The following PIBF1 variants were observed in gnomAD, a reference collection of about 807,000 sequenced individuals.
The protein encoded by PIBF1 is progesterone immunomodulatory binding factor 1.
Under a neutral mutation model 112.5 loss-of-function variants are expected in PIBF1, and 90 were observed. The ratio of observed to expected loss-of-function variants is 0.80; its 90% CI spans 0.67 to 0.95. The LOEUF (loss-of-function observed/expected upper bound fraction) is 0.95. Among genes scored for constraint, PIBF1 ranks in the 40% least tolerant of loss-of-function variants. PIBF1 has a pLI of 0.00. For missense variants in PIBF1, 915 were observed against 852.3 expected (o/e 1.07, Z -0.92); for synonymous variants, 301 against 288.6 (o/e 1.04, Z -0.44).
intron 14 of PIBF1, among the ~76,000 whole-genome samples, chr13:72,960,354 T>A (rs2042572260): frequency 6.6e-6 from 1 of 152,194 alleles, no homozygotes; most frequent in South Asian, 2.1e-4. Flanking sequence ...GAGGCTGCAG[T>A]GAGCTGTGGC....
At chr13:73,013,992 CAGAA>C (rs1304232297) in intron 17 of PIBF1, among the ~76,000 whole-genome samples, 3 of 152,082 alleles carry the variant, frequency 2.0e-5, no homozygotes, top group African/African-American at 7.2e-5. Flanking sequence ...CTTTTCAAAA[CAGAA>C]AGCACTAGGC....
At position 72,921,828 on chromosome 13, in the gene PIBF1, G is replaced by GT. The variant is rs748502305; in HGVS notation, c.1730+4663dup. 8.6e-3 allele frequency among the ~76,000 whole-genome samples: 1,314 copies of GT among 152,284 alleles called. 57 individuals are homozygous for GT. The highest frequency in any genetic ancestry group is 9.6e-3 in the East Asian group (50 of 5,186). ...ACACCTTGATGTGTTTGTTCTTAAA[G>GT]TAAATTACATAGTTAATTTTAGAGG... On this transcript the variant is annotated intron_variant, in intron 13 of 17. Transcript: ENST00000326291.
rs1425376318 is a variant in PIBF1, at chr13:72,886,439, C to CTGTTATAAAAATTTTATAACAG, written c.1323-7334_1323-7313dup. Reference sequence around the variant, plus strand: ...CTAGTGTTATAAAGTTTTTATAACACTGTTATAAAAATTTTATAACAGTGT... The same window carrying CTGTTATAAAAATTTTATAACAG: ...CTAGTGTTATAAAGTTTTTATAACACTGTTATAAAAATTTTATAACAGTGTTATAAAAATTTTATAACAGTGT... On this transcript the variant is annotated intron_variant, in intron 10 of 17. Coordinates refer to ENST00000326291, the MANE Select transcript of PIBF1 (RefSeq NM_006346.4). Among the ~76,000 whole-genome samples the CTGTTATAAAAATTTTATAACAG allele has an allele frequency of 1.1e-4, 16 of 151,484 alleles. No individual in the cohort carries two copies. In the East Asian group the frequency reaches 1.2e-3, roughly 11 times the overall value.
rs79719377 is a variant in PIBF1 at position 72,787,404 on chromosome 13, A to G, written c.252+3683A>G. On this transcript the variant is annotated intron_variant, in intron 2 of 17. Transcript: ENST00000326291. ...CCACTGAATTTTGTCCCTCTGGTCGATTGTGAGGACTCAGAAGTATATTGG... is the reference window on the plus strand; with the variant it reads ...CCACTGAATTTTGTCCCTCTGGTCGGTTGTGAGGACTCAGAAGTATATTGG... Among the ~76,000 whole-genome samples, 1,051 of 152,160 alleles carry G rather than the reference A, an allele frequency of 6.9e-3. 15 individuals are homozygous for G. Among genetic ancestry groups the G allele is most frequent in the African/African-American group, 0.024 (1,015 of 41,504 alleles).
intron 2 of PIBF1, among the ~76,000 whole-genome samples, chr13:72,785,426 C>A (rs1040781833): frequency 6.6e-6 from 1 of 152,198 alleles, no homozygotes; most frequent in Non-Finnish European, 1.5e-5. Flanking sequence ...AAATGAATGA[C>A]TGAACCCCAT....
intron 1 of PIBF1, among the ~76,000 whole-genome samples, chr13:72,782,877 TG>T (rs2034359923): frequency 3.2e-5 from 1 of 31,280 alleles, no homozygotes; most frequent in Non-Finnish European, 6.9e-5. Context: ...GTTAAGGGCG[TG>T]TGTGTGTGTG....
At chr13:72,955,365 G>A (rs2042415388) in intron 14 of PIBF1, among the ~76,000 whole-genome samples, 1 of 146,524 alleles carries the variant, frequency 6.8e-6, no homozygotes, top group African/African-American at 2.5e-5. Context: ...TCATATAAAT[G>A]TGTGTGTTTG....
intron 10 of PIBF1, among the ~76,000 whole-genome samples, chr13:72,892,417 T>C (rs1161541193): frequency 6.6e-6 from 1 of 152,086 alleles, no homozygotes; most frequent in Non-Finnish European, 1.5e-5. Flanking sequence ...TCTTCTCTGA[T>C]TATATTTTGA....
At chr13:72,909,478 A>C (rs368159048) in intron 12 of PIBF1, among the ~76,000 whole-genome samples, 1 of 151,876 alleles carries the variant, frequency 6.6e-6, no homozygotes, top group African/African-American at 2.4e-5. Context: ...ATGACACTGC[A>C]ATTAGTCTTT....
chr13:72,972,279 A>T (rs577654253), intron 15 of PIBF1, among the ~76,000 whole-genome samples: 9 of 151,886 alleles, frequency 5.9e-5, no homozygotes, highest in African/African-American at 2.2e-4. Flanking sequence ...CAGTTCTCCA[A>T]CCTCGATCTC....
At chr13:72,957,181 GA>G (rs2042469892) in intron 14 of PIBF1, among the ~76,000 whole-genome samples, 1 of 152,054 alleles carries the variant, frequency 6.6e-6, no homozygotes, top group Non-Finnish European at 1.5e-5. Flanking sequence ...CAGAGAAAAA[GA>G]AGATATTATA....
At chr13:72,880,791 A>G (rs1481703922) in intron 10 of PIBF1, among the ~76,000 whole-genome samples, 2 of 152,180 alleles carry the variant, frequency 1.3e-5, no homozygotes, top group African/African-American at 4.8e-5. Context: ...CCCTTATTAT[A>G]TATGTATGTA....
intron 14 of PIBF1, among the ~76,000 whole-genome samples, chr13:72,946,163 G>A (rs933319755): frequency 2.0e-5 from 3 of 152,092 alleles, no homozygotes; most frequent in Non-Finnish European, 2.9e-5. Flanking sequence ...GGCTGAGGAG[G>A]CCTCAGGAAA....
At chr13:72,988,628 A>G (rs2043379352) in intron 16 of PIBF1, among the ~76,000 whole-genome samples, 1 of 152,224 alleles carries the variant, frequency 6.6e-6, no homozygotes, top group Non-Finnish European at 1.5e-5. Context: ...ATGACTTTGA[A>G]TTAAAGTTAT....
intron 14 of PIBF1, among the ~76,000 whole-genome samples, chr13:72,949,470 C>T (rs1336199459): frequency 6.6e-6 from 1 of 152,068 alleles, no homozygotes; most frequent in Middle Eastern, 3.4e-3. Flanking sequence ...TGTGTGCCAC[C>T]ACACCCAGCT....
rs79050942 is a variant in PIBF1, at chr13:72,860,015, A to G, written c.1322+5860A>G. On this transcript the variant is annotated intron_variant, in intron 10 of 17. Coordinates refer to ENST00000326291, the MANE Select transcript of PIBF1 (RefSeq NM_006346.4). ...TTGGGACCACTGGGTAATCACTACA[A>G]GAAAGCGTAAAGATAGTAGGACTTT... 6.4e-3 allele frequency among the ~76,000 whole-genome samples: 974 copies of G among 152,364 alleles called. 13 individuals carry two copies. Among genetic ancestry groups the G allele is most frequent in the African/African-American group, 0.022 (904 of 41,572 alleles).
chr13:72,976,479 G>T lies in PIBF1; in HGVS notation c.2049+2804G>T, dbSNP rs150899489. Among the ~76,000 whole-genome samples the T allele has an allele frequency of 8.0e-3, 1,219 of 152,226 alleles. 14 individuals are homozygous for T. The highest frequency in any genetic ancestry group is 0.028 in the African/African-American group (1,147 of 41,554). ...TATTTAGATAATTGTCAGTTTTTAT[G>T]TATTTGACAGTATATCTTTATTTTG... is the stretch of plus-strand genomic sequence containing the variant. On this transcript the variant is annotated intron_variant, in intron 16 of 17. Coordinates refer to ENST00000326291, the MANE Select transcript of PIBF1 (RefSeq NM_006346.4).
chr13:72,825,210 G>A (rs754410254), intron 6 of PIBF1, among the ~76,000 whole-genome samples: 1 of 152,170 alleles, frequency 6.6e-6, no homozygotes, highest in Non-Finnish European at 1.5e-5. Flanking sequence ...GGTGTTTTGG[G>A]AGACAGTTGA....
At chr13:72,792,626 G>A (rs2034991814) in intron 3 of PIBF1, 79 bp downstream of exon 3, 3 of 693,872 alleles carry the variant, frequency 4.3e-6, no homozygotes, top group Non-Finnish European at 7.1e-6. Context: ...TCATGTTTGT[G>A]ACTGTAAGCT....
Sources: allele counts gnomAD v4.1 joint callset (sites outside exome capture counted in the v4.1 genomes callset), GRCh38; gene constraint gnomAD v4.1.1; transcripts MANE v1.5; gene names NCBI Gene and HGNC (gene_info 2026-07-23, HGNC 2026-07-21).